PTPRN2: variants seen among roughly 807,000 people sequenced by gnomAD.
The protein encoded by PTPRN2 is receptor-type tyrosine-protein phosphatase N2.
A neutral mutation model predicts 118.8 loss-of-function variants in PTPRN2; 74 were observed. The observed-to-expected ratio is 0.62, with a 90% CI of 0.52 to 0.76. The LOEUF (loss-of-function observed/expected upper bound fraction) is 0.76, where lower values mean the gene tolerates loss of function less well. Among genes scored for constraint, PTPRN2 ranks in the 30% least tolerant of loss-of-function variants. The pLI is 0.00. For synonymous variants in PTPRN2, 641 were observed against 608.0 expected (o/e 1.05, Z -0.80); for missense variants, 1,481 against 1,394.4 (o/e 1.06, Z -0.99).
At position 158,489,759 on chromosome 7, in the gene PTPRN2, CGCA is replaced by C; in HGVS notation, c.136_138del (p.Cys46del). On this transcript the variant is annotated inframe_deletion, in exon 2 of 23. Transcript: ENST00000389418. ...CCGTTCACACAGGCCTCGGACGCTC[CGCA>C]GAGGCCCTCCTCGAGCAGGCAGCCT... The C allele has an allele frequency of 6.3e-7, 1 of 1,582,850 alleles. No homozygotes were observed. The highest frequency in any genetic ancestry group is 8.6e-7 in the Non-Finnish European group (1 of 1,165,616).
intron 12 of PTPRN2, among the ~76,000 whole-genome samples, chr7:157,827,448 A>G (rs1807256371): frequency 1.3e-5 from 2 of 151,920 alleles, no homozygotes; most frequent in South Asian, 4.2e-4. Flanking sequence ...AAGCTCGATC[A>G]GAATGTCCCT....
intron 1 of PTPRN2, among the ~76,000 whole-genome samples, chr7:158,583,726 C>T (rs757697206): frequency 5.9e-5 from 9 of 152,194 alleles, no homozygotes; most frequent in Non-Finnish European, 1.2e-4. Flanking sequence ...ACAACACACC[C>T]CATTCCTTCT....
At chr7:158,458,824 A>C (rs1818733189) in intron 2 of PTPRN2, among the ~76,000 whole-genome samples, 1 of 152,230 alleles carries the variant, frequency 6.6e-6, no homozygotes, top group South Asian at 2.1e-4. Context: ...CAACAAGCAC[A>C]GAGTGAGACC....
rs1334005632 is a variant in PTPRN2, at chr7:157,964,113, G to C, written c.1724-65376C>G. Among the ~76,000 whole-genome samples the C allele has an allele frequency of 6.6e-6, 1 of 152,142 alleles. No homozygotes were observed. Among genetic ancestry groups the C allele is most frequent in the African/African-American group, 2.4e-5 (1 of 41,410 alleles). On this transcript the variant is annotated intron_variant, in intron 11 of 22. Transcript: ENST00000389418. The surrounding 1 kb of genome is among the most constrained non-coding windows in gnomAD (Gnocchi z 9.0). ...CTGTTGAGGGCACGACCACCTCGCA[G>C]TGACCTCCCTCTGTGTGGGACCCCC... is the stretch of plus-strand genomic sequence containing the variant.
chr7:158,511,354 C>T (rs1304010877), intron 1 of PTPRN2, among the ~76,000 whole-genome samples: 1 of 152,176 alleles, frequency 6.6e-6, no homozygotes. Flanking sequence ...TTAAGTGGAT[C>T]GGACAGAGAC....
intron 2 of PTPRN2, among the ~76,000 whole-genome samples, chr7:158,368,740 G>A (rs1250810988): frequency 6.6e-6 from 1 of 152,102 alleles, no homozygotes; most frequent in Admixed American, 6.6e-5. Context: ...GGCCCAGCTG[G>A]GCCCCACCAT....
rs543984659 is a variant in PTPRN2 at position 157,575,227 on chromosome 7, A to G, written c.2783+1386T>C. Among the ~76,000 whole-genome samples the G allele has an allele frequency of 4.3e-4, 65 of 152,372 alleles. 1 individual carries two copies. In the South Asian group the frequency reaches 0.013, roughly 30 times the overall value. On this transcript the variant is annotated intron_variant, in intron 19 of 22. Transcript: ENST00000389418. ...TCTTTGTAGTTACATCCATTTTGCCAGGAATGACTGTTTTTTGAAGACTCT... is the reference window on the plus strand; with the variant it reads ...TCTTTGTAGTTACATCCATTTTGCCGGGAATGACTGTTTTTTGAAGACTCT...
intron 13 of PTPRN2, among the ~76,000 whole-genome samples, chr7:157,667,586 G>T (rs900111891): frequency 6.6e-6 from 1 of 152,232 alleles, no homozygotes. Flanking sequence ...TGGCCACTCT[G>T]TCCTGCTGAT....
chr7:158,203,606 A>G (rs1826849236), intron 4 of PTPRN2, among the ~76,000 whole-genome samples: 1 of 151,036 alleles, frequency 6.6e-6, no homozygotes, highest in Admixed American at 6.6e-5. Flanking sequence ...ACCCCCCCAG[A>G]GTGAGGAGGA....
intron 6 of PTPRN2, among the ~76,000 whole-genome samples, chr7:158,150,586 C>G (rs1379235199): frequency 6.6e-6 from 1 of 152,104 alleles, no homozygotes; most frequent in Admixed American, 6.6e-5. Flanking sequence ...CAAGGAGCAT[C>G]TATATGGAAA....
rs76271307 is a variant in PTPRN2, at chr7:157,645,596, T to C, written c.2196+10761A>G. ...CCCTTACTAGGAGACAGTAAATTTC[T>C]GTGCGTCCAATAACAGGAGAACATA... On this transcript the variant is annotated intron_variant, in intron 14 of 22. Coordinates refer to ENST00000389418, the MANE Select transcript of PTPRN2 (RefSeq NM_002847.5). 4.8e-3 allele frequency among the ~76,000 whole-genome samples: 728 copies of C among 152,380 alleles called. 4 individuals carry two copies. Among genetic ancestry groups the C allele is most frequent in the African/African-American group, 0.016 (672 of 41,594 alleles).
At chr7:157,605,216 G>A (rs910700458) in intron 15 of PTPRN2, among the ~76,000 whole-genome samples, 1 of 152,250 alleles carries the variant, frequency 6.6e-6, no homozygotes, top group Non-Finnish European at 1.5e-5. Flanking sequence ...AGTCAGGCAC[G>A]CTGGGTGCTG....
At chr7:157,897,706 T>TA (rs1221139987) in intron 12 of PTPRN2, among the ~76,000 whole-genome samples, 5 of 152,148 alleles carry the variant, frequency 3.3e-5, no homozygotes, top group Non-Finnish European at 5.9e-5. Flanking sequence ...AGCGGCCAAT[T>TA]AAGCAGCTTC....
At chr7:158,189,897 C>T (rs1001092925) in intron 5 of PTPRN2, among the ~76,000 whole-genome samples, 6 of 152,160 alleles carry the variant, frequency 3.9e-5, no homozygotes, top group African/African-American at 7.2e-5. Flanking sequence ...AAATTACCAA[C>T]GTTCAAGAGG....
chr7:158,475,254 C>T (rs1217111939), intron 2 of PTPRN2, among the ~76,000 whole-genome samples: 6 of 151,946 alleles, frequency 3.9e-5, no homozygotes, highest in Non-Finnish European at 8.8e-5. Context: ...CCGAGGACTC[C>T]CCGGCTTCCC....
intron 3 of PTPRN2, among the ~76,000 whole-genome samples, chr7:158,310,378 T>A (rs1801601540): frequency 6.6e-6 from 1 of 152,248 alleles, no homozygotes; most frequent in South Asian, 2.1e-4. Context: ...CAGAGCATTC[T>A]GTGAGGCCTG....
intron 15 of PTPRN2, among the ~76,000 whole-genome samples, chr7:157,606,168 G>A (rs1423553386): frequency 7.2e-5 from 11 of 152,356 alleles, no homozygotes; most frequent in Admixed American, 3.9e-4. Flanking sequence ...CTGTGACAGC[G>A]CCCGGGCTCA....
chr7:157,855,114 C>T (rs189788231), intron 12 of PTPRN2, among the ~76,000 whole-genome samples: 3 of 147,146 alleles, frequency 2.0e-5, no homozygotes, highest in Non-Finnish European at 4.5e-5. Context: ...GGGGCCGGAT[C>T]GGGGAGGATG....
At chr7:157,970,897 G>C (rs1175305156) in intron 11 of PTPRN2, among the ~76,000 whole-genome samples, 1 of 152,172 alleles carries the variant, frequency 6.6e-6, no homozygotes, top group Non-Finnish European at 1.5e-5. Flanking sequence ...AAGCTGGCTT[G>C]TCCCTGCACG....
Sources: gnomAD v4.1 joint callset for allele counts (sites outside exome capture counted in the v4.1 genomes callset) on GRCh38, gnomAD v4.1.1 for gene constraint, Gnocchi (gnomAD v3.1) non-coding constraint, MANE v1.5 for transcripts, NCBI Gene and HGNC (gene_info 2026-07-23, HGNC 2026-07-21) for gene names.